Variants in GRIA1 observed in about 807,000 individuals in gnomAD.
GRIA1 encodes the protein glutamate ionotropic receptor AMPA type subunit 1, also known as glutamate receptor 1.
GRIA1 carries 31 observed loss-of-function variants against 99.2 expected under a neutral mutation model. That is an observed-to-expected ratio of 0.31 (90% CI 0.23 to 0.42). GRIA1 has a LOEUF of 0.42. GRIA1 is among the 10% of genes least tolerant of loss of function. GRIA1 has a pLI of 1.00. For synonymous variants in GRIA1, 438 were observed against 432.4 expected, an observed-to-expected ratio of 1.01 and a Z score of -0.16; for missense variants, 782 against 1,157.5, an observed-to-expected ratio of 0.68 and a Z score of 4.71.
At chr5:153,611,622 G>T (rs1303160355) in intron 2 of GRIA1, among the ~76,000 whole-genome samples, 3 of 152,184 alleles carry the variant, frequency 2.0e-5, no homozygotes, top group Non-Finnish European at 2.9e-5. Context: ...ATGCATAATT[G>T]TTGGCTCTCA....
chr5:153,697,312 G>C (rs1758185482), intron 8 of GRIA1, among the ~76,000 whole-genome samples: 1 of 152,156 alleles, frequency 6.6e-6, no homozygotes, highest in Admixed American at 6.5e-5. Flanking sequence ...AGACTTCTTT[G>C]CATCTCGTCA....
intron 14 of GRIA1, among the ~76,000 whole-genome samples, chr5:153,796,856 A>G (rs1463355153): frequency 7.1e-6 from 1 of 140,902 alleles, no homozygotes; most frequent in Non-Finnish European, 1.5e-5. Context: ...AAGTCCATCC[A>G]TTCTGGATGT....
In GRIA1 at chr5:153,813,822, G is replaced by T. The variant is rs1766986975; in HGVS notation, c.*2597G>T. The T allele has an allele frequency of 6.6e-6, 1 of 151,942 alleles. No homozygotes were observed. Among genetic ancestry groups the T allele is most frequent in the African/African-American group, 2.4e-5 (1 of 41,342 alleles). The allele number at this position is 151,942 out of a possible 1,614,324, so 9.4% of individuals were successfully genotyped here. On this transcript the variant is annotated 3_prime_UTR_variant, in exon 16 of 16. Coordinates refer to ENST00000285900, the MANE Select transcript of GRIA1 (RefSeq NM_000827.4). ...GCCAGGTTTTTTTCTTTTGGTATTT[G>T]CATAAAATGAAAATATCACCGAATA... is the stretch of plus-strand genomic sequence containing the variant.
At position 153,518,106 on chromosome 5, in the gene GRIA1, T is replaced by A. The variant is rs191075663; in HGVS notation, c.220+24041T>A. 6.7e-4 allele frequency among the ~76,000 whole-genome samples: 102 copies of A among 152,324 alleles called. 1 individual carries two copies. In the East Asian group the frequency reaches 0.016, roughly 24 times the overall value. On this transcript the variant is annotated intron_variant, in intron 2 of 15. Coordinates refer to ENST00000285900, the MANE Select transcript of GRIA1 (RefSeq NM_000827.4). ...CTCTAGTTCACTATTCAGGTCCCAA[T>A]TCCCACGTTACTTTCTCAGAGAGTG... is the stretch of plus-strand genomic sequence containing the variant.
At chr5:153,518,089 C>G (rs531732281) in intron 2 of GRIA1, among the ~76,000 whole-genome samples, 1 of 152,324 alleles carries the variant, frequency 6.6e-6, no homozygotes, top group East Asian at 1.9e-4. Flanking sequence ...GGCTCTAGTT[C>G]ACTATTCAGG....
chr5:153,631,154 C>T (rs1304529158), intron 2 of GRIA1, among the ~76,000 whole-genome samples: 3 of 152,132 alleles, frequency 2.0e-5, no homozygotes, highest in Non-Finnish European at 4.4e-5. Context: ...GAGGCTGTGC[C>T]CTCAAAAATT....
At chr5:153,781,033 C>T (rs1010621535) in intron 13 of GRIA1, among the ~76,000 whole-genome samples, 4 of 152,048 alleles carry the variant, frequency 2.6e-5, no homozygotes, top group African/African-American at 9.7e-5. Context: ...TGAGCTGAAC[C>T]CATGCTGAGA....
chr5:153,660,332 T>C (rs1755272981), intron 5 of GRIA1, among the ~76,000 whole-genome samples: 1 of 152,218 alleles, frequency 6.6e-6, no homozygotes, highest in Non-Finnish European at 1.5e-5. Context: ...CTTAAATGCA[T>C]GTCAATTAAA....
chr5:153,633,698 A>C (rs891772926), intron 2 of GRIA1, among the ~76,000 whole-genome samples: 1 of 152,076 alleles, frequency 6.6e-6, no homozygotes, highest in Non-Finnish European at 1.5e-5. Context: ...AATCTCACTT[A>C]TTTTACTTAT....
intron 14 of GRIA1, among the ~76,000 whole-genome samples, chr5:153,800,161 C>T (rs2149669222): frequency 6.6e-6 from 1 of 152,256 alleles, no homozygotes; most frequent in South Asian, 2.1e-4. Flanking sequence ...TTTTTTACCA[C>T]CTGCCCTCAG....
At chr5:153,687,110 G>A (rs56329503) in intron 8 of GRIA1, among the ~76,000 whole-genome samples, 14,249 of 152,108 alleles carry the variant, frequency 0.094, 799 homozygotes, top group African/African-American at 0.15. Context: ...ATTCCCCAAC[G>A]AAGCCTTCTC....
chr5:153,584,323 G>A (rs1732288074), intron 2 of GRIA1, among the ~76,000 whole-genome samples: 1 of 152,142 alleles, frequency 6.6e-6, no homozygotes, highest in Non-Finnish European at 1.5e-5. Context: ...GCATGTGGGT[G>A]GGTTCTTAGG....
At chr5:153,643,289 A>G (rs909565390) in intron 2 of GRIA1, among the ~76,000 whole-genome samples, 1 of 152,210 alleles carries the variant, frequency 6.6e-6, no homozygotes, top group Non-Finnish European at 1.5e-5. Flanking sequence ...CACAGATGGG[A>G]AAGCTGAGGC....
intron 11 of GRIA1, among the ~76,000 whole-genome samples, chr5:153,731,501 A>G (rs113128167): frequency 0.02 from 2,969 of 152,042 alleles, 38 homozygotes; most frequent in Non-Finnish European, 0.031. Context: ...ATGCATTTTT[A>G]CTAATTCTAG....
intron 2 of GRIA1, among the ~76,000 whole-genome samples, chr5:153,596,110 T>C (rs1278350677): frequency 6.6e-6 from 1 of 151,998 alleles, no homozygotes; most frequent in Non-Finnish European, 1.5e-5. Context: ...TTTCATGGCC[T>C]GAGTGATCAA....
intron 2 of GRIA1, among the ~76,000 whole-genome samples, chr5:153,601,575 G>GCGT (rs1764966086): frequency 6.6e-6 from 1 of 152,178 alleles, no homozygotes; most frequent in Non-Finnish European, 1.5e-5. Context: ...AATCAGAGCG[G>GCGT]AAAACACCTC....
Position 153,672,709 on chromosome 5 carries a change from C to A in GRIA1, c.700-1791C>A, listed in dbSNP as rs1414815492. ...GAAATTCAGAAACATAGACGGTATCCTAGGATCCCAAGAGGGAGCTGGGAC... is the reference window on the plus strand; with the variant it reads ...GAAATTCAGAAACATAGACGGTATCATAGGATCCCAAGAGGGAGCTGGGAC... On this transcript the variant is annotated intron_variant, in intron 5 of 15. Transcript: ENST00000285900. Among the ~76,000 whole-genome samples the A allele has an allele frequency of 2.6e-5, 4 of 152,032 alleles. No homozygotes were observed. The East Asian group carries it at 7.7e-4, about 29-fold the overall frequency.
intron 2 of GRIA1, among the ~76,000 whole-genome samples, chr5:153,589,101 T>G (rs1763743353): frequency 6.6e-6 from 1 of 152,200 alleles, no homozygotes; most frequent in Admixed American, 6.5e-5. Context: ...AGCTTTTGAT[T>G]TGTTTATAAG....
intron 2 of GRIA1, among the ~76,000 whole-genome samples, chr5:153,626,670 A>G (rs547114066): frequency 6.6e-6 from 1 of 152,244 alleles, no homozygotes; most frequent in South Asian, 2.1e-4. Context: ...GTGGAGTGGA[A>G]ACTTCTCTGC....
Sources: allele counts gnomAD v4.1 joint callset (sites outside exome capture counted in the v4.1 genomes callset), GRCh38; gene constraint gnomAD v4.1.1; transcripts MANE v1.5; gene names NCBI Gene and HGNC (gene_info 2026-07-23, HGNC 2026-07-21).